Variants in ENOX1 observed in about 807,000 individuals in gnomAD.
The protein encoded by ENOX1 is ecto-NOX disulfide-thiol exchanger 1, also known as candidate growth-related and time keeping constitutive hydroquinone (NADH) oxidase.
A neutral mutation model predicts 82.5 loss-of-function variants in ENOX1; 42 were observed. That is an observed-to-expected ratio of 0.51 (90% CI 0.40 to 0.66). The LOEUF (loss-of-function observed/expected upper bound fraction) is 0.66, where lower values mean the gene tolerates loss of function less well. Among genes scored for constraint, ENOX1 ranks in the 30% least tolerant of loss-of-function variants. ENOX1 has a pLI of 0.00. For synonymous variants in ENOX1, 271 were observed against 282.2 expected (o/e 0.96, Z 0.40); for missense variants, 608 against 811.6 (o/e 0.75, Z 3.05).
intron 2 of ENOX1, among the ~76,000 whole-genome samples, chr13:43,502,508 C>A (rs61959522): frequency 0.011 from 1,685 of 151,672 alleles, 17 homozygotes; most frequent in South Asian, 0.048. Flanking sequence ...GGGTCATACA[C>A]CACGAGCAAA....
intron 1 of ENOX1, among the ~76,000 whole-genome samples, chr13:43,723,510 T>C (rs1383790954): frequency 6.6e-6 from 1 of 152,222 alleles, no homozygotes; most frequent in Non-Finnish European, 1.5e-5. Flanking sequence ...CAGCCGACTC[T>C]ATCCGCTATT....
Position 43,470,775 on chromosome 13 carries a change from C to T in ENOX1, c.-75+13234G>A, listed in dbSNP as rs1215267936. ...ACCGGTGAGCATATGAAAATGATTT[C>T]GACATATTAGTCATCAAGGAAAAGG... On this transcript the variant is annotated intron_variant, in intron 3 of 16. Coordinates refer to ENST00000690772, the MANE Select transcript of ENOX1 (RefSeq NM_001347969.2). Among the ~76,000 whole-genome samples the T allele has an allele frequency of 3.3e-5, 5 of 151,904 alleles. No individual in the cohort carries two copies. In the East Asian group the frequency reaches 5.8e-4, roughly 18 times the overall value.
intron 9 of ENOX1, among the ~76,000 whole-genome samples, chr13:43,330,871 T>A (rs952550728): frequency 6.6e-6 from 1 of 152,248 alleles, no homozygotes; most frequent in African/African-American, 2.4e-5. Context: ...CACATATATG[T>A]ATATATTCTT....
intron 2 of ENOX1, among the ~76,000 whole-genome samples, chr13:43,581,056 AC>A (rs1444359700): frequency 6.6e-6 from 1 of 150,978 alleles, no homozygotes; most frequent in Non-Finnish European, 1.5e-5. Context: ...ATTCTCTTAT[AC>A]CTAAACATAG....
chr13:43,504,949 T>C (rs2077101929), intron 2 of ENOX1, among the ~76,000 whole-genome samples: 1 of 151,742 alleles, frequency 6.6e-6, no homozygotes, highest in South Asian at 2.1e-4. Flanking sequence ...TGTAAAAATT[T>C]TACATTATTC....
chr13:43,215,923 G>A (rs1244091740), intron 16 of ENOX1, among the ~76,000 whole-genome samples: 2 of 152,176 alleles, frequency 1.3e-5, no homozygotes, highest in African/African-American at 2.4e-5. Context: ...TAGGCCGGGC[G>A]TTGTAGCTCA....
At chr13:43,323,097 C>T (rs2047907896) in intron 10 of ENOX1, among the ~76,000 whole-genome samples, 1 of 152,190 alleles carries the variant, frequency 6.6e-6, no homozygotes. Flanking sequence ...ATTTCTCATG[C>T]AAACATAGTG....
intron 2 of ENOX1, among the ~76,000 whole-genome samples, chr13:43,648,491 C>T (rs2153774443): frequency 6.6e-6 from 1 of 152,268 alleles, no homozygotes; most frequent in African/African-American, 2.4e-5. Context: ...ACACAGAGGG[C>T]AGAGCTGGGG....
chr13:43,756,972 CAAAAAAAAAAAAA>C (rs1164153402), intron 1 of ENOX1, among the ~76,000 whole-genome samples: 18 of 27,998 alleles, frequency 6.4e-4, no homozygotes, highest in Admixed American at 1.0e-3. Context: ...AAAACAACAA[CAAAAAAAAAAAAA>C]AAAAAAAAAG....
intron 2 of ENOX1, among the ~76,000 whole-genome samples, chr13:43,662,325 G>A (rs1483704046): frequency 6.6e-6 from 1 of 152,166 alleles, no homozygotes; most frequent in East Asian, 1.9e-4. Flanking sequence ...CAACTGAGAA[G>A]TCTTAAATTG....
chr13:43,650,779 A>T (rs763776240), intron 2 of ENOX1, among the ~76,000 whole-genome samples: 3 of 152,214 alleles, frequency 2.0e-5, no homozygotes, highest in Admixed American at 6.5e-5. Context: ...CAGAGGTTGC[A>T]GTGAGCTGAG....
intron 11 of ENOX1, chr13:43,321,058 T>C: frequency 2.2e-6 from 1 of 456,270 alleles, no homozygotes; most frequent in Non-Finnish European, 4.4e-6. Context: ...GATATATGGC[T>C]TCAGAAAATA....
chr13:43,354,484 T>TC (rs1202864956), intron 8 of ENOX1, among the ~76,000 whole-genome samples: 1 of 151,976 alleles, frequency 6.6e-6, no homozygotes, highest in Non-Finnish European at 1.5e-5. Context: ...TTTTTTTTTT[T>TC]TTAAAGCATA....
At chr13:43,265,732 A>G (rs1024809190) in intron 13 of ENOX1, among the ~76,000 whole-genome samples, 1 of 152,240 alleles carries the variant, frequency 6.6e-6, no homozygotes, top group African/African-American at 2.4e-5. Context: ...CATAAAATGT[A>G]TAAAATTGGT....
At chr13:43,386,332 T>C (rs1286308894) in intron 5 of ENOX1, among the ~76,000 whole-genome samples, 1 of 152,246 alleles carries the variant, frequency 6.6e-6, no homozygotes, top group Non-Finnish European at 1.5e-5. Context: ...TTTGTAATAA[T>C]GTCGTTGTTT....
intron 12 of ENOX1, among the ~76,000 whole-genome samples, chr13:43,276,445 C>T (rs1173993565): frequency 1.3e-5 from 2 of 152,120 alleles, no homozygotes; most frequent in Admixed American, 1.3e-4. Context: ...CCCTTAATCC[C>T]CTTTCTCTTG....
chr13:43,456,525 T>G (rs2057238178), intron 3 of ENOX1, among the ~76,000 whole-genome samples: 1 of 152,102 alleles, frequency 6.6e-6, no homozygotes, highest in African/African-American at 2.4e-5. Context: ...ATCAGTCATT[T>G]TTTGGACTGA....
At chr13:43,245,481 A>C (rs911718833) in intron 14 of ENOX1, among the ~76,000 whole-genome samples, 1 of 152,218 alleles carries the variant, frequency 6.6e-6, no homozygotes, top group African/African-American at 2.4e-5. Context: ...GGATGAGGAA[A>C]GGATTGATGA....
intron 5 of ENOX1, among the ~76,000 whole-genome samples, chr13:43,391,002 A>G (rs2052740317): frequency 6.6e-6 from 1 of 152,008 alleles, no homozygotes; most frequent in Non-Finnish European, 1.5e-5. Flanking sequence ...AGACCTCCCT[A>G]TGTACCATCT....
Sources: gnomAD v4.1 joint callset for allele counts (sites outside exome capture counted in the v4.1 genomes callset) on GRCh38, gnomAD v4.1.1 for gene constraint, MANE v1.5 for transcripts, NCBI Gene and HGNC (gene_info 2026-07-23, HGNC 2026-07-21) for gene names.